KCNMA1: variants seen among roughly 807,000 people sequenced by gnomAD.
KCNMA1 encodes Calcium-activated potassium channel subunit alpha-1.
In KCNMA1, 29 loss-of-function variants were observed where a neutral mutation model predicts 140.0. The observed-to-expected ratio is 0.21, with a 90% CI of 0.15 to 0.28. The LOEUF is 0.28. KCNMA1 is among the 10% of genes least tolerant of loss of function. The pLI, the probability that KCNMA1 is intolerant of heterozygous loss-of-function variation, is 1.00. For missense variants in KCNMA1, 880 were observed against 1,602.2 expected (o/e 0.55, Z 7.70); for synonymous variants, 612 against 611.9 (o/e 1.00, Z 0.00).
intron 2 of KCNMA1, among the ~76,000 whole-genome samples, chr10:77,395,048 TA>T (rs938495988): frequency 6.6e-6 from 1 of 152,138 alleles, no homozygotes; most frequent in African/African-American, 2.4e-5. Context: ...TTTTGATTTT[TA>T]AAAAATAACC....
exon 28 of KCNMA1, chr10:76,870,634 GGAA>G (rs2031098408): frequency 6.6e-6 from 1 of 152,198 alleles, no homozygotes; most frequent in Non-Finnish European, 1.5e-5. Context: ...GTTCAGGGAG[GGAA>G]GAAGAACAGT....
intron 1 of KCNMA1, among the ~76,000 whole-genome samples, chr10:77,407,033 G>A (rs1322367614): frequency 3.9e-5 from 6 of 152,126 alleles, no homozygotes; most frequent in African/African-American, 9.7e-5. Context: ...ATGCTATTTC[G>A]CCAGCCCTCT....
intron 21 of KCNMA1, among the ~76,000 whole-genome samples, chr10:76,953,462 C>T (rs1457050706): frequency 6.6e-6 from 1 of 152,088 alleles, no homozygotes; most frequent in Non-Finnish European, 1.5e-5. Context: ...AAATGAATTA[C>T]CCAAGCCATG....
chr10:77,042,063 T>C (rs2094741684), intron 14 of KCNMA1, among the ~76,000 whole-genome samples: 1 of 152,238 alleles, frequency 6.6e-6, no homozygotes, highest in Non-Finnish European at 1.5e-5. Flanking sequence ...TAGGTTAACC[T>C]CATTAGTTTG....
chr10:77,579,400 A>G (rs548626789), intron 1 of KCNMA1, among the ~76,000 whole-genome samples: 1 of 152,240 alleles, frequency 6.6e-6, no homozygotes, highest in African/African-American at 2.4e-5. Flanking sequence ...CAATTACTCA[A>G]CTCTGCCACG....
intron 7 of KCNMA1, among the ~76,000 whole-genome samples, chr10:77,111,465 G>A (rs2097321653): frequency 6.6e-6 from 1 of 152,176 alleles, no homozygotes; most frequent in Non-Finnish European, 1.5e-5. Context: ...CTCCACATAT[G>A]TGATTTGGGT....
At chr10:77,420,233 C>A (rs548368729) in intron 1 of KCNMA1, among the ~76,000 whole-genome samples, 16 of 152,334 alleles carry the variant, frequency 1.1e-4, no homozygotes, top group African/African-American at 3.4e-4. Context: ...AAAACAGGAG[C>A]ACCTCTTTGC....
chr10:76,949,790 A>G (rs2065568383), intron 21 of KCNMA1, among the ~76,000 whole-genome samples: 1 of 152,208 alleles, frequency 6.6e-6, no homozygotes, highest in Non-Finnish European at 1.5e-5. Flanking sequence ...TGCTGAGATG[A>G]TGATAAAATG....
chr10:77,295,963 G>A (rs2075000140), intron 2 of KCNMA1, among the ~76,000 whole-genome samples: 1 of 151,842 alleles, frequency 6.6e-6, no homozygotes. Context: ...TTGTAAAAGG[G>A]CAAAATGCAG....
intron 1 of KCNMA1, among the ~76,000 whole-genome samples, chr10:77,531,006 A>G (rs1368523092): frequency 6.6e-6 from 1 of 152,214 alleles, no homozygotes; most frequent in Non-Finnish European, 1.5e-5. Flanking sequence ...GAGGTGTGGC[A>G]AAACACAGCA....
chr10:77,103,270 A>G (rs2097136531), intron 9 of KCNMA1, among the ~76,000 whole-genome samples: 1 of 152,224 alleles, frequency 6.6e-6, no homozygotes. Context: ...TGTGGAGACC[A>G]CATCCGAGGT....
intron 1 of KCNMA1, among the ~76,000 whole-genome samples, chr10:77,628,643 G>T (rs1324791662): frequency 6.8e-6 from 1 of 147,808 alleles, no homozygotes; most frequent in Non-Finnish European, 1.5e-5. Context: ...CAGCAAGACG[G>T]TATCTCAAAA....
Position 77,183,468 on chromosome 10 carries a change from G to A in KCNMA1, c.761C>T (p.Thr254Met). ...LEVNSVVDFF[T>M]VPPVFVSVYL... ...CACAGACACAAACACGGGGGGCACC[G>A]TGAAGAAATCCACTACAGAGTTCAC... Residue 254 changes from threonine to methionine, a missense_variant, in exon 5 of 28, where the codon ACG becomes ATG. By Grantham distance (81) the Thr-to-Met change is moderately conservative. Around this residue, in one of 13 missense-constraint regions of KCNMA1, gnomAD observed 198 missense variants for 580.1 expected, o/e 0.34. Transcript: ENST00000286628. 1.2e-6 allele frequency: 2 copies of A among 1,613,892 alleles called. No individual in the cohort carries two copies. Among genetic ancestry groups the A allele is most frequent in the Non-Finnish European group, 1.7e-6 (2 of 1,179,938 alleles).
At chr10:77,146,269 C>G (rs2098287986) in intron 5 of KCNMA1, among the ~76,000 whole-genome samples, 1 of 152,190 alleles carries the variant, frequency 6.6e-6, no homozygotes, top group Admixed American at 6.5e-5. Context: ...CCCCATAAGA[C>G]AGCAGCATTA....
chr10:77,324,404 C>T (rs185773180), intron 2 of KCNMA1, among the ~76,000 whole-genome samples: 2 of 152,310 alleles, frequency 1.3e-5, no homozygotes, highest in East Asian at 3.9e-4. Context: ...AAGCCTGGTA[C>T]ATTATAAACA....
intron 1 of KCNMA1, among the ~76,000 whole-genome samples, chr10:77,429,277 T>C (rs1217212482): frequency 6.6e-6 from 1 of 152,164 alleles, no homozygotes; most frequent in East Asian, 1.9e-4. Context: ...TTTCTCAACC[T>C]CAGCACAATT....
intron 15 of KCNMA1, among the ~76,000 whole-genome samples, chr10:77,033,508 G>T (rs947360012): frequency 6.6e-5 from 10 of 151,556 alleles, no homozygotes; most frequent in African/African-American, 2.2e-4. Context: ...TAAGACACTA[G>T]AATTTATAAA....
chr10:77,469,341 A>G (rs1224494213), intron 1 of KCNMA1, among the ~76,000 whole-genome samples: 1 of 152,190 alleles, frequency 6.6e-6, no homozygotes, highest in Non-Finnish European at 1.5e-5. Context: ...TCCACCTTCA[A>G]GATGAGGTGA....
intron 1 of KCNMA1, among the ~76,000 whole-genome samples, chr10:77,487,828 C>T (rs2098478857): frequency 6.6e-6 from 1 of 152,168 alleles, no homozygotes; most frequent in African/African-American, 2.4e-5. Context: ...TGCAACATCA[C>T]CTGGGGATGT....
Sources: gnomAD v4.1 joint callset for allele counts (sites outside exome capture counted in the v4.1 genomes callset) on GRCh38, gnomAD v4.1.1 for gene constraint, gnomAD v4.1.1 regional missense constraint, MANE v1.5 for transcripts, NCBI Gene and HGNC (gene_info 2026-07-23, HGNC 2026-07-21) for gene names.